Variants in UBE2D2 observed in about 807,000 individuals in gnomAD.
UBE2D2 encodes the protein ubiquitin conjugating enzyme E2 D2.
A neutral mutation model predicts 24.2 loss-of-function variants in UBE2D2; 2 were observed. That is an observed-to-expected ratio of 0.08 (90% CI 0.03 to 0.26). The LOEUF is 0.26. Among genes scored for constraint, UBE2D2 ranks in the 10% least tolerant of loss-of-function variants. The probability of loss-of-function intolerance (pLI) is 1.00; values close to 1 mark genes in which losing one functional copy is unlikely to be tolerated. For missense variants in UBE2D2, 44 were observed against 177.6 expected (o/e 0.25, Z 4.28); for synonymous variants, 58 against 56.5 (o/e 1.03, Z -0.12).
At chr5:139,613,069 G>A (rs976426655) in intron 2 of UBE2D2, among the ~76,000 whole-genome samples, 1 of 152,198 alleles carries the variant, frequency 6.6e-6, no homozygotes, top group Non-Finnish European at 1.5e-5. Context: ...ATAAGTGTTT[G>A]TAAGTACTAG....
At chr5:139,594,005 A>G (rs1032455928) in intron 1 of UBE2D2, among the ~76,000 whole-genome samples, 2 of 152,222 alleles carry the variant, frequency 1.3e-5, no homozygotes, top group African/African-American at 2.4e-5. Flanking sequence ...TTGTATAGCA[A>G]TATTCAGACT....
chr5:139,574,749 A>AG, intron 1 of UBE2D2, among the ~76,000 whole-genome samples: 1 of 150,886 alleles, frequency 6.6e-6, no homozygotes, highest in Non-Finnish European at 1.5e-5. Context: ...AAAAAAAAAA[A>AG]AAAAGAAAAG....
rs558357739 is a variant in UBE2D2 at position 139,552,287 on chromosome 5, C to T, written c.-64+25675C>T. ...AAGCAATTGTCCTGCCTCAGTCTCC[C>T]GCGCAGCTGGGATTACAGGTGTGCA... On this transcript the variant is annotated intron_variant, in intron 1 of 6. Coordinates refer to the UBE2D2 transcript ENST00000511725. Among the ~76,000 whole-genome samples the T allele has an allele frequency of 9.9e-5, 15 of 152,062 alleles. No individual in the cohort carries two copies. The South Asian group carries it at 2.1e-3, about 21-fold the overall frequency.
At chr5:139,562,490 T>TC in intron 1 of UBE2D2, 2 of 1,240,094 alleles carry the variant, frequency 1.6e-6, no homozygotes, top group Middle Eastern at 2.2e-4. Flanking sequence ...AACTAACACT[T>TC]CCGTTTTGCA....
rs377126600 is a variant in UBE2D2 at position 139,564,699 on chromosome 5, CCA to C, written c.24+2886_24+2887del. ...TGAACTCCTGACCTCAAGTGTTCTGCCACCTTGGCCTCCCAAAGTGCTGGGAT... is the reference window on the plus strand; with the variant it reads ...TGAACTCCTGACCTCAAGTGTTCTGCCCTTGGCCTCCCAAAGTGCTGGGAT... On this transcript the variant is annotated intron_variant, in intron 1 of 6. Coordinates refer to ENST00000398733, the MANE Select transcript of UBE2D2 (RefSeq NM_003339.3). Among the ~76,000 whole-genome samples, 698 of 152,292 alleles carry C rather than the reference CCA, an allele frequency of 4.6e-3. 4 individuals carry two copies. The highest frequency in any genetic ancestry group is 0.016 in the African/African-American group (653 of 41,566).
Position 139,532,640 on chromosome 5 carries a change from C to T in UBE2D2, c.-64+6028C>T, listed in dbSNP as rs550159787. On this transcript the variant is annotated intron_variant, in intron 1 of 6. Coordinates refer to the UBE2D2 transcript ENST00000511725. Reference sequence around the variant, plus strand: ...TGCTGGGATTACAGGCGTGAGCCACCGCGCTTGGCCTAGTTTTTGTATATC... The same window carrying T: ...TGCTGGGATTACAGGCGTGAGCCACTGCGCTTGGCCTAGTTTTTGTATATC... 4.3e-4 allele frequency among the ~76,000 whole-genome samples: 65 copies of T among 152,040 alleles called. No individual in the cohort carries two copies. In the South Asian group the frequency reaches 0.011, roughly 25 times the overall value.
At chr5:139,580,863 C>G (rs544501679) in intron 1 of UBE2D2, among the ~76,000 whole-genome samples, 2 of 152,286 alleles carry the variant, frequency 1.3e-5, no homozygotes, top group South Asian at 2.1e-4. Flanking sequence ...TTTCAGTGAG[C>G]TATGATTCAC....
intron 1 of UBE2D2, among the ~76,000 whole-genome samples, chr5:139,530,383 C>G (rs1188674488): frequency 2.0e-5 from 3 of 152,152 alleles, no homozygotes; most frequent in Non-Finnish European, 4.4e-5. Flanking sequence ...CCAGTCTATG[C>G]TTCCTGCAAA....
chr5:139,528,550 G>A (rs950926710), intron 1 of UBE2D2, among the ~76,000 whole-genome samples: 11 of 152,198 alleles, frequency 7.2e-5, no homozygotes, highest in Admixed American at 2.0e-4. Flanking sequence ...GGTCCTGGCA[G>A]CAAGGGCCCT....
intron 5 of UBE2D2, among the ~76,000 whole-genome samples, chr5:139,615,445 A>G (rs1458849366): frequency 1.3e-5 from 2 of 152,102 alleles, no homozygotes; most frequent in African/African-American, 4.8e-5. Flanking sequence ...AGATTGTGCC[A>G]CTGCACTCCA....
chr5:139,616,218 G>A (rs1348510273), intron 5 of UBE2D2, among the ~76,000 whole-genome samples: 2 of 151,830 alleles, frequency 1.3e-5, no homozygotes, highest in Admixed American at 6.6e-5. Flanking sequence ...CCAGCACTTT[G>A]GGAGGCCGAG....
intron 1 of UBE2D2, among the ~76,000 whole-genome samples, chr5:139,544,289 ATT>A (rs370898297): frequency 3.0e-5 from 4 of 131,334 alleles, no homozygotes; most frequent in Non-Finnish European, 6.6e-5. Context: ...AGCCACTGCA[ATT>A]TTTTTTTTTT....
At chr5:139,563,547 G>T (rs1351036048) in intron 1 of UBE2D2, among the ~76,000 whole-genome samples, 1 of 152,104 alleles carries the variant, frequency 6.6e-6, no homozygotes, top group Admixed American at 6.6e-5. Context: ...AATCTAACTG[G>T]GAAGTTATCA....
chr5:139,602,226 A>G (rs1251746509), intron 2 of UBE2D2, among the ~76,000 whole-genome samples: 1 of 152,018 alleles, frequency 6.6e-6, no homozygotes, highest in Non-Finnish European at 1.5e-5. Context: ...TAGTTTTTGT[A>G]TTTTTAGTAG....
At chr5:139,583,880 T>A (rs1356011161) in intron 1 of UBE2D2, among the ~76,000 whole-genome samples, 1 of 152,214 alleles carries the variant, frequency 6.6e-6, no homozygotes, top group African/African-American at 2.4e-5. Context: ...CAATGACAGA[T>A]GATATTATGA....
At position 139,579,267 on chromosome 5, in the gene UBE2D2, C is replaced by T. The variant is rs148253031; in HGVS notation, c.24+17452C>T. Among the ~76,000 whole-genome samples the T allele has an allele frequency of 2.0e-4, 31 of 152,332 alleles. No individual in the cohort carries two copies. In the East Asian group the frequency reaches 5.8e-3, roughly 28 times the overall value. On this transcript the variant is annotated intron_variant, in intron 1 of 6. Transcript: ENST00000398733. ...GGTTCAAGCAATTCTCCTGCCTCAG[C>T]ATCTTGAGAAGCTGGGATTACAGGC...
upstream of UBE2D2, among the ~76,000 whole-genome samples, chr5:139,558,665 A>T (rs1162529831): frequency 2.0e-5 from 3 of 152,196 alleles, no homozygotes; most frequent in African/African-American, 7.2e-5. Flanking sequence ...AAAAATATGT[A>T]TTGATATTTA....
chr5:139,603,731 A>G (rs1466818188), intron 2 of UBE2D2, among the ~76,000 whole-genome samples: 1 of 151,830 alleles, frequency 6.6e-6, no homozygotes, highest in Non-Finnish European at 1.5e-5. Context: ...GAGGCCAGGA[A>G]TTCAATCAAG....
intron 2 of UBE2D2, among the ~76,000 whole-genome samples, chr5:139,604,880 T>TAA (rs201379778): frequency 1.8e-4 from 23 of 127,406 alleles, no homozygotes; most frequent in Non-Finnish European, 1.9e-4. Flanking sequence ...ACCCAGTCTC[T>TAA]AAAAAAAAAA....
Sources: gnomAD v4.1 joint callset for allele counts (sites outside exome capture counted in the v4.1 genomes callset) on GRCh38, gnomAD v4.1.1 for gene constraint, MANE v1.5 for transcripts, NCBI Gene and HGNC (gene_info 2026-07-23, HGNC 2026-07-21) for gene names.